The following ZNF503 variants were observed in gnomAD, a reference collection of about 807,000 sequenced individuals.
ZNF503 encodes zinc finger protein 503.
A neutral mutation model predicts 34.4 loss-of-function variants in ZNF503; 15 were observed. The observed-to-expected ratio is 0.44, with a 90% CI of 0.29 to 0.67. ZNF503 has a LOEUF of 0.67. ZNF503 is among the 30% of genes least tolerant of loss of function. The pLI is 0.13. For synonymous variants in ZNF503, 580 were observed against 456.8 expected, an observed-to-expected ratio of 1.27 and a Z score of -3.44; for missense variants, 1,007 against 926.8, an observed-to-expected ratio of 1.09 and a Z score of -1.12.
the ZNF503 span, among the ~76,000 whole-genome samples, chr10:75,322,780 G>T: frequency 1.3e-5 from 2 of 152,186 alleles, no homozygotes; most frequent in African/African-American, 2.4e-5. Context: ...ATTTGAGGCT[G>T]AAGTGAACTG....
chr10:75,370,011 G>A, the ZNF503 span, among the ~76,000 whole-genome samples: 1 of 151,864 alleles, frequency 6.6e-6, no homozygotes, highest in African/African-American at 2.4e-5. Flanking sequence ...AGGTTGAGGT[G>A]AGCCAGGATT....
chr10:75,364,044 T>C, the ZNF503 span, among the ~76,000 whole-genome samples: 1 of 152,194 alleles, frequency 6.6e-6, no homozygotes, highest in East Asian at 1.9e-4. Flanking sequence ...CCTGAGCATT[T>C]ACATATTGAA....
At chr10:75,376,446 C>G in the ZNF503 span, among the ~76,000 whole-genome samples, 1 of 152,286 alleles carries the variant, frequency 6.6e-6, no homozygotes, top group East Asian at 1.9e-4. Context: ...GAGTTCGAGA[C>G]CAGCCTGGCC....
At chr10:75,397,794 C>G (rs1006023177), downstream of ZNF503, 1 of 152,584 alleles carries the variant, frequency 6.6e-6, no homozygotes, top group Non-Finnish European at 1.5e-5. Flanking sequence ...CCGAAACTGC[C>G]ATGCTCTCTT....
chr10:75,314,580 A>C, the ZNF503 span, among the ~76,000 whole-genome samples: 1 of 152,220 alleles, frequency 6.6e-6, no homozygotes, highest in Non-Finnish European at 1.5e-5. Flanking sequence ...TAACATTCAC[A>C]TTATGGGAGT....
At chr10:75,301,635 A>G in the ZNF503 span, among the ~76,000 whole-genome samples, 2 of 152,042 alleles carry the variant, frequency 1.3e-5, no homozygotes, top group Non-Finnish European at 2.9e-5. Context: ...TTAAAAAATA[A>G]CAATTTAAAC....
At chr10:75,299,654 C>T in the ZNF503 span, among the ~76,000 whole-genome samples, 52 of 152,170 alleles carry the variant, frequency 3.4e-4, no homozygotes, top group African/African-American at 8.4e-4. Context: ...TTTCCCTAAG[C>T]GCTGGCCAGT....
At chr10:75,333,394 C>T in the ZNF503 span, among the ~76,000 whole-genome samples, 1 of 50,028 alleles carries the variant, frequency 2.0e-5, no homozygotes, top group African/African-American at 9.4e-5. Context: ...GACGGGGCGG[C>T]TGGCCGGGTG....
the ZNF503 span, among the ~76,000 whole-genome samples, chr10:75,308,716 G>A: frequency 6.6e-6 from 1 of 152,218 alleles, no homozygotes. Flanking sequence ...ATCAGTGGAG[G>A]AAGTAACTGC....
the ZNF503 span, among the ~76,000 whole-genome samples, chr10:75,325,772 GTTC>G: frequency 0.2 from 30,065 of 151,588 alleles, 3,143 homozygotes; most frequent in African/African-American, 0.24. Flanking sequence ...CATTTATTTA[GTTC>G]TTCTTTGATT....
rs1564760129 is a variant in ZNF503, at chr10:75,399,932, T to C, written c.758A>G (p.Asp253Gly). The C allele has an allele frequency of 6.2e-7, 1 of 1,606,170 alleles. No homozygotes were observed. The highest frequency in any genetic ancestry group is 1.1e-5 in the South Asian group (1 of 90,802). ...GCCCACGTCGGTGTCTTTCTTGTCG[T>C]CCTTGCCCTCCGGGGCACCCCCGGC... is the stretch of plus-strand genomic sequence containing the variant. ...SSAGGAPEGK[D>G]DKKDTDVGGG... Residue 253 changes from aspartate to glycine, a missense_variant, in exon 2 of 2, where the codon GAC becomes GGC. Asp to Gly is a moderately conservative substitution (Grantham distance 94). Transcript: ENST00000372524.
the ZNF503 span, among the ~76,000 whole-genome samples, chr10:75,289,693 C>T: frequency 6.6e-6 from 1 of 152,090 alleles, no homozygotes; most frequent in Non-Finnish European, 1.5e-5. Flanking sequence ...TCAAGTAATT[C>T]TCCTGTCTCA....
chr10:75,365,952 C>T, the ZNF503 span, among the ~76,000 whole-genome samples: 1 of 152,206 alleles, frequency 6.6e-6, no homozygotes, highest in Non-Finnish European at 1.5e-5. Context: ...CTCGCTTTCC[C>T]AGAGGAGCCC....
chr10:75,381,250 G>T, the ZNF503 span, among the ~76,000 whole-genome samples: 1 of 152,110 alleles, frequency 6.6e-6, no homozygotes, highest in Non-Finnish European at 1.5e-5. Context: ...TTGAGACAGG[G>T]TCTTGCTCTG....
At chr10:75,376,722 G>A in the ZNF503 span, among the ~76,000 whole-genome samples, 1 of 152,122 alleles carries the variant, frequency 6.6e-6, no homozygotes, top group Non-Finnish European at 1.5e-5. Context: ...ACAATTCTGC[G>A]TGGCTGGGGA....
At chr10:75,334,933 A>G in the ZNF503 span, among the ~76,000 whole-genome samples, 4 of 152,092 alleles carry the variant, frequency 2.6e-5, no homozygotes, top group African/African-American at 9.7e-5. Context: ...TTTCCCTGTT[A>G]ACTTTTCTTC....
the ZNF503 span, among the ~76,000 whole-genome samples, chr10:75,337,663 G>T: frequency 1.3e-5 from 2 of 152,036 alleles, no homozygotes; most frequent in African/African-American, 4.8e-5. Context: ...ATTAGTGTTT[G>T]GTTGAATAAC....
In ZNF503 at chr10:75,401,467, C is replaced by G. The variant is rs901082706; in HGVS notation, c.-48G>C. On this transcript the variant is annotated 5_prime_UTR_variant, in exon 1 of 2. Coordinates refer to ENST00000372524, the MANE Select transcript of ZNF503 (RefSeq NM_032772.6). The stretch of plus-strand genomic sequence containing the variant: ...CAGCGGGGGGGAGGGCTCCGGGAGG[C>G]GCGGGGCGGGCTCGGGGCTGCGCGC... The G allele has an allele frequency of 2.7e-5, 41 of 1,503,000 alleles. No homozygotes were observed. The highest frequency in any genetic ancestry group is 3.5e-5 in the Non-Finnish European group (40 of 1,134,528). The allele number at this position is 1,503,000 out of a possible 1,614,324, so 93.1% of individuals were successfully genotyped here.
the ZNF503 span, chr10:75,298,987 A>G: frequency 6.6e-6 from 1 of 151,126 alleles, no homozygotes; most frequent in African/African-American, 2.4e-5. Context: ...GCTGGAGTGC[A>G]ATGGTGTGAT....
Sources: allele counts gnomAD v4.1 joint callset (sites outside exome capture counted in the v4.1 genomes callset), GRCh38; gene constraint gnomAD v4.1.1; transcripts MANE v1.5; gene names NCBI Gene and HGNC (gene_info 2026-07-23, HGNC 2026-07-21).